RORA: variants seen among roughly 807,000 people sequenced by gnomAD.
RORA encodes the protein nuclear receptor ROR-alpha.
Under a neutral mutation model 69.5 loss-of-function variants are expected in RORA, and 7 were observed. That is an observed-to-expected ratio of 0.10 (90% CI 0.06 to 0.19). RORA has a LOEUF of 0.19. Among genes scored for constraint, RORA ranks in the 10% least tolerant of loss-of-function variants. The pLI is 1.00. For synonymous variants in RORA, 261 were observed against 240.8 expected (o/e 1.08, Z -0.78); for missense variants, 457 against 663.0 (o/e 0.69, Z 3.41).
rs1403869461 is a variant in RORA at position 60,492,436 on chromosome 15, T to C, written c.*5019A>G. ...TAAACTACACATGTAGAAGTAAGAA[T>C]TGTTTTCCATGAAGGAATTTTTGGT... On this transcript the variant is annotated 3_prime_UTR_variant, in exon 11 of 11. Transcript: ENST00000335670. The C allele has an allele frequency of 6.6e-6, 1 of 152,204 alleles. No individual in the cohort carries two copies. The highest frequency in any genetic ancestry group is 6.5e-5 in the Admixed American group (1 of 15,284). 9.4% of individuals were successfully genotyped at this position (152,204 alleles called of 1,614,324 possible). A position where few individuals can be genotyped will look rare whatever the true frequency, so the allele number is the denominator to read the frequency against.
chr15:61,033,419 C>CAAAAACCAA (rs1555403818), intron 1 of RORA, among the ~76,000 whole-genome samples: 9,724 of 150,612 alleles, frequency 0.065, 374 homozygotes, highest in East Asian at 0.15. Flanking sequence ...AAAAAAAAAA[C>CAAAAACCAA]AAAAACCAGT....
At chr15:60,522,978 C>T (rs2066222379) in intron 3 of RORA, among the ~76,000 whole-genome samples, 1 of 148,930 alleles carries the variant, frequency 6.7e-6, no homozygotes, top group African/African-American at 2.5e-5. Flanking sequence ...GCGGAGGTTG[C>T]AGTGAGCCGA....
intron 1 of RORA, among the ~76,000 whole-genome samples, chr15:60,737,605 T>C (rs2071519514): frequency 6.6e-6 from 1 of 152,260 alleles, no homozygotes; most frequent in Non-Finnish European, 1.5e-5. Context: ...TCAGAACCCC[T>C]GGTCTATAGA....
Position 60,500,941 on chromosome 15 carries a change from T to A in RORA, c.1294+18A>T. On this transcript the variant is annotated intron_variant, in intron 9 of 10. Coordinates refer to ENST00000335670, the MANE Select transcript of RORA (RefSeq NM_134261.3). ...AGACAATTCGAAAACCATTTTTATT[T>A]TTATTTGGTTGTCTTACCTGCTGAC... The A allele has an allele frequency of 2.2e-6, 3 of 1,391,102 alleles. No individual in the cohort carries two copies. Among genetic ancestry groups the A allele is most frequent in the Non-Finnish European group, 3.0e-6 (3 of 990,978 alleles). The allele number at this position is 1,391,102 out of a possible 1,614,324, so 86.2% of individuals were successfully genotyped here.
At chr15:60,860,780 G>A (rs2073429275) in intron 1 of RORA, among the ~76,000 whole-genome samples, 1 of 152,186 alleles carries the variant, frequency 6.6e-6, no homozygotes, top group South Asian at 2.1e-4. Flanking sequence ...CACTTACTGG[G>A]CACCCACTGT....
chr15:60,508,897 A>G (rs1197062139), intron 5 of RORA, among the ~76,000 whole-genome samples: 1 of 152,214 alleles, frequency 6.6e-6, no homozygotes, highest in East Asian at 1.9e-4. Flanking sequence ...TTCAGGTACT[A>G]ATTGTACACC....
intron 1 of RORA, among the ~76,000 whole-genome samples, chr15:61,033,601 T>C (rs1199610055): frequency 6.6e-6 from 1 of 152,116 alleles, no homozygotes; most frequent in Non-Finnish European, 1.5e-5. Flanking sequence ...TTTATTAACT[T>C]AATAGTGGTT....
intron 1 of RORA, among the ~76,000 whole-genome samples, chr15:60,994,633 A>T (rs1252734460): frequency 6.6e-6 from 1 of 152,234 alleles, no homozygotes; most frequent in Admixed American, 6.5e-5. Flanking sequence ...CCTGAAGCCT[A>T]CATGATTATA....
At chr15:60,828,409 G>A (rs1010489272) in intron 1 of RORA, among the ~76,000 whole-genome samples, 2 of 152,228 alleles carry the variant, frequency 1.3e-5, no homozygotes, top group East Asian at 1.9e-4. Context: ...AATCTATGAG[G>A]AGGACAAGGG....
At chr15:60,807,359 T>C (rs897087606) in intron 1 of RORA, among the ~76,000 whole-genome samples, 1 of 152,048 alleles carries the variant, frequency 6.6e-6, no homozygotes, top group African/African-American at 2.4e-5. Context: ...CTTAGGAATA[T>C]ACCTAACCAA....
intron 3 of RORA, among the ~76,000 whole-genome samples, chr15:60,516,042 TA>T (rs1397212803): frequency 0.21 from 1,269 of 6,066 alleles, 155 homozygotes; most frequent in East Asian, 0.4. Context: ...TATATATTTA[TA>T]TATTTATATA....
At chr15:60,980,672 C>T (rs1230623713) in intron 1 of RORA, among the ~76,000 whole-genome samples, 2 of 151,976 alleles carry the variant, frequency 1.3e-5, no homozygotes, top group Admixed American at 1.3e-4. Flanking sequence ...TATATAGTTG[C>T]TCATTATATT....
intron 1 of RORA, among the ~76,000 whole-genome samples, chr15:60,751,095 G>A (rs961497243): frequency 1.3e-5 from 2 of 152,194 alleles, no homozygotes; most frequent in Non-Finnish European, 2.9e-5. Context: ...GAGACCAGGA[G>A]AACAGGGACA....
At chr15:61,054,316 G>GAAAA in intron 1 of RORA, among the ~76,000 whole-genome samples, 1 of 144,674 alleles carries the variant, frequency 6.9e-6, no homozygotes, top group Non-Finnish European at 1.5e-5. Context: ...TTCATTTTCT[G>GAAAA]AAAAAAAAAA....
chr15:61,167,482 ATTTT>A (rs199752865), intron 1 of RORA, among the ~76,000 whole-genome samples: 104 of 133,472 alleles, frequency 7.8e-4, no homozygotes, highest in East Asian at 4.2e-3. Context: ...TTTGACCAGG[ATTTT>A]TTTTTTTTTT....
At chr15:60,990,639 G>A (rs1366441413) in intron 1 of RORA, among the ~76,000 whole-genome samples, 1 of 152,140 alleles carries the variant, frequency 6.6e-6, no homozygotes, top group East Asian at 1.9e-4. Context: ...AATTTAAAAT[G>A]TGTGAAATAT....
chr15:61,044,650 A>AT (rs1229405132), intron 1 of RORA, among the ~76,000 whole-genome samples: 1 of 152,222 alleles, frequency 6.6e-6, no homozygotes. Context: ...TCACACAAAT[A>AT]TTTAACACTG....
At chr15:61,071,240 GGGGA>G (rs2078340075) in intron 1 of RORA, among the ~76,000 whole-genome samples, 1 of 9,086 alleles carries the variant, frequency 1.1e-4, no homozygotes, top group African/African-American at 5.4e-4. Context: ...AGGGAGGGGA[GGGGA>G]AGGGAATGGA....
At position 61,061,702 on chromosome 15, in the gene RORA, A is replaced by T. The variant is rs988356278; in HGVS notation, c.166+167351T>A. 6.6e-6 allele frequency among the ~76,000 whole-genome samples: 1 copy of T among 152,168 alleles called. No individual in the cohort carries two copies. The highest frequency in any genetic ancestry group is 1.9e-4 in the East Asian group (1 of 5,180). ...AACTACTGCTTTAGTTGTTGGGCAT[A>T]TGGGTCTCTAGAGACAGGGTGTTAA... is the stretch of plus-strand genomic sequence containing the variant. On this transcript the variant is annotated intron_variant, in intron 1 of 10. Transcript: ENST00000335670. This position sits in a 1 kb window ranked among gnomAD's most constrained non-coding sequence, Gnocchi z 4.4.
Sources: allele counts gnomAD v4.1 joint callset (sites outside exome capture counted in the v4.1 genomes callset), GRCh38; gene constraint gnomAD v4.1.1; non-coding constraint Gnocchi (gnomAD v3.1); transcripts MANE v1.5; gene names NCBI Gene and HGNC (gene_info 2026-07-23, HGNC 2026-07-21).